Variants in SYNGR1 observed in about 807,000 individuals in gnomAD.
The protein encoded by SYNGR1 is synaptogyrin-1.
SYNGR1 carries 14 observed loss-of-function variants against 26.1 expected under a neutral mutation model. The ratio of observed to expected loss-of-function variants is 0.54; its 90% CI spans 0.35 to 0.84. SYNGR1 has a LOEUF of 0.84. SYNGR1 is among the 40% of genes least tolerant of loss of function. The pLI is 0.01. For synonymous variants in SYNGR1, 141 were observed against 150.1 expected, an observed-to-expected ratio of 0.94 and a Z score of 0.44; for missense variants, 319 against 332.9, an observed-to-expected ratio of 0.96 and a Z score of 0.33.
At chr22:39,364,373 C>CT (rs1924635073) in intron 1 of SYNGR1, 1 of 1,608,802 alleles carries the variant, frequency 6.2e-7, no homozygotes, top group African/African-American at 1.3e-5. Flanking sequence ...GTGAAATGCT[C>CT]TAAGTATAAG....
At chr22:39,362,324 C>T (rs536224187) in intron 1 of SYNGR1, among the ~76,000 whole-genome samples, 279 of 152,276 alleles carry the variant, frequency 1.8e-3, no homozygotes, top group African/African-American at 6.5e-3. Context: ...GTCCACTCCA[C>T]CCCCACCACC....
At chr22:39,379,989 C>G (rs1925446681) in intron 3 of SYNGR1, 4 of 152,224 alleles carry the variant, frequency 2.6e-5, no homozygotes, top group Non-Finnish European at 2.9e-5. Flanking sequence ...AAGGCTTTTG[C>G]AATAAACCTC....
chr22:39,385,080 G>A lies in SYNGR1; in HGVS notation c.*3166G>A. 1 of 398,804 alleles carries A rather than the reference G, an allele frequency of 2.5e-6. No individual in the cohort carries two copies. The highest frequency in any genetic ancestry group is 2.1e-5 in the African/African-American group (1 of 48,760). 24.7% of individuals were successfully genotyped at this position (398,804 alleles called of 1,614,324 possible). On this transcript the variant is annotated 3_prime_UTR_variant, in exon 4 of 4. Transcript: ENST00000328933. ...CCTCGGGGATCCCAGGTTTCCCCAT[G>A]TAACTGAGACACCCTGCCTGTTAGC...
chr22:39,362,576 C>A (rs1764109709), intron 1 of SYNGR1, among the ~76,000 whole-genome samples: 1 of 152,162 alleles, frequency 6.6e-6, no homozygotes, highest in Admixed American at 6.5e-5. Flanking sequence ...AGGCCCTGTT[C>A]CTGTGAAGGG....
At chr22:39,368,253 G>A (rs1924863391) in intron 1 of SYNGR1, among the ~76,000 whole-genome samples, 1 of 152,118 alleles carries the variant, frequency 6.6e-6, no homozygotes, top group Admixed American at 6.5e-5. Context: ...CGGTGCTATT[G>A]TTGCCCCCAC....
intron 1 of SYNGR1, among the ~76,000 whole-genome samples, chr22:39,358,278 T>C (rs909289401): frequency 6.6e-6 from 1 of 152,168 alleles, no homozygotes; most frequent in Admixed American, 6.5e-5. Flanking sequence ...GCTCAGGGAT[T>C]GTAAACGCAC....
rs570278820 is a variant in SYNGR1 at position 39,359,797 on chromosome 22, A to G, written c.99+9688A>G. On this transcript the variant is annotated intron_variant, in intron 1 of 3. Transcript: ENST00000328933. ...TGGTCTTGTCCGCCAGCCTCAGCCA[A>G]CTGTCACCAGCTGGACCCTAGCTAG... 1.5e-4 allele frequency among the ~76,000 whole-genome samples: 23 copies of G among 151,842 alleles called. No individual in the cohort carries two copies. In the East Asian group the frequency reaches 3.9e-3, roughly 26 times the overall value.
intron 1 of SYNGR1, among the ~76,000 whole-genome samples, chr22:39,358,778 C>T (rs1211720960): frequency 6.6e-6 from 1 of 152,116 alleles, no homozygotes; most frequent in Non-Finnish European, 1.5e-5. Context: ...AAGAACCCAC[C>T]AATTCCGGAC....
chr22:39,355,311 G>T (rs1008046763), intron 1 of SYNGR1, among the ~76,000 whole-genome samples: 1 of 152,234 alleles, frequency 6.6e-6, no homozygotes, highest in African/African-American at 2.4e-5. Context: ...CTGGAAATGC[G>T]TGGTCACGTC....
At chr22:39,373,784 A>G (rs1925141585) in intron 1 of SYNGR1, among the ~76,000 whole-genome samples, 2 of 152,208 alleles carry the variant, frequency 1.3e-5, no homozygotes, top group African/African-American at 4.8e-5. Context: ...CCCCCAGCCC[A>G]CTGTTATTTT....
intron 3 of SYNGR1, among the ~76,000 whole-genome samples, chr22:39,380,772 A>G (rs1168640163): frequency 6.6e-6 from 1 of 151,710 alleles, no homozygotes; most frequent in Non-Finnish European, 1.5e-5. Flanking sequence ...AGGTGATGCC[A>G]CCATGCCCAG....
chr22:39,357,949 T>C (rs1924248746), intron 1 of SYNGR1, among the ~76,000 whole-genome samples: 1 of 152,236 alleles, frequency 6.6e-6, no homozygotes, highest in East Asian at 1.9e-4. Flanking sequence ...CCACGGCGCC[T>C]AGTCCCATCG....
Position 39,385,307 on chromosome 22 carries a change from G to A in SYNGR1, c.*3393G>A, listed in dbSNP as rs1399421254. 7 of 227,060 alleles carry A rather than the reference G, an allele frequency of 3.1e-5. No individual in the cohort carries two copies. The highest frequency in any genetic ancestry group is 5.1e-5 in the Non-Finnish European group (6 of 118,130). The allele number at this position is 227,060 out of a possible 1,614,324, so 14.1% of individuals were successfully genotyped here. Reference sequence around the variant, plus strand: ...CCCCTCCCGCAGCGTTACTGCCTGTGTATAGTATAAATATATATATTTTCT... The same window carrying A: ...CCCCTCCCGCAGCGTTACTGCCTGTATATAGTATAAATATATATATTTTCT... On this transcript the variant is annotated 3_prime_UTR_variant, in exon 4 of 4. Transcript: ENST00000328933.
chr22:39,371,719 A>C (rs1226443404), intron 1 of SYNGR1, among the ~76,000 whole-genome samples: 2 of 152,094 alleles, frequency 1.3e-5, no homozygotes, highest in Non-Finnish European at 2.9e-5. Flanking sequence ...TCCTGGACTC[A>C]AGTGATCCTC....
At chr22:39,358,434 ATAAATT>A (rs1924283368) in intron 1 of SYNGR1, among the ~76,000 whole-genome samples, 2 of 152,312 alleles carry the variant, frequency 1.3e-5, no homozygotes, top group African/African-American at 4.8e-5. Flanking sequence ...GCTCGTTGCG[ATAAATT>A]TTGCTACTGC....
chr22:39,359,124 C>T (rs932516771), intron 1 of SYNGR1, among the ~76,000 whole-genome samples: 1 of 152,238 alleles, frequency 6.6e-6, no homozygotes, highest in Non-Finnish European at 1.5e-5. Context: ...CTGCCCCAGA[C>T]CTTGCTTCCT....
At chr22:39,372,165 C>G (rs928516512) in intron 1 of SYNGR1, among the ~76,000 whole-genome samples, 5 of 121,764 alleles carry the variant, frequency 4.1e-5, no homozygotes, top group Non-Finnish European at 8.0e-5. Context: ...GAGTCTCACT[C>G]TGTTGCCTAA....
chr22:39,365,450 T>A (rs1018465203), intron 1 of SYNGR1, among the ~76,000 whole-genome samples: 4 of 151,868 alleles, frequency 2.6e-5, no homozygotes, highest in Non-Finnish European at 4.4e-5. Flanking sequence ...GCTGGTGGAG[T>A]GAAGAGCATA....
intron 1 of SYNGR1, among the ~76,000 whole-genome samples, chr22:39,370,694 G>A (rs144437620): frequency 1.3e-5 from 2 of 148,366 alleles, no homozygotes; most frequent in African/African-American, 2.5e-5. Context: ...CTCAGCTCAC[G>A]GCAACCTCCA....
Sources: allele counts gnomAD v4.1 joint callset (sites outside exome capture counted in the v4.1 genomes callset), GRCh38; gene constraint gnomAD v4.1.1; transcripts MANE v1.5; gene names NCBI Gene and HGNC (gene_info 2026-07-23, HGNC 2026-07-21).